Variants in TRIM67 observed in about 807,000 individuals in gnomAD.
TRIM67 encodes the protein tripartite motif-containing protein 67.
In TRIM67, 39 loss-of-function variants were observed where a neutral mutation model predicts 71.0. The observed-to-expected ratio is 0.55, with a 90% CI of 0.43 to 0.72. The LOEUF is 0.72. TRIM67 is among the 30% of genes least tolerant of loss of function. The pLI, the probability that TRIM67 is intolerant of heterozygous loss-of-function variation, is 0.00. For synonymous variants in TRIM67, 481 were observed against 473.9 expected, an observed-to-expected ratio of 1.01 and a Z score of -0.19; for missense variants, 973 against 1,079.2, an observed-to-expected ratio of 0.90 and a Z score of 1.38.
Position 231,201,415 on chromosome 1 carries a change from G to A in TRIM67, c.1432G>A (p.Ala478Thr), listed in dbSNP as rs751830264. The A allele has an allele frequency of 4.3e-6, 7 of 1,613,366 alleles. No homozygotes were observed. In the Admixed American group the frequency reaches 5.0e-5, roughly 12 times the overall value. The change falls in exon 5 of 10, where the codon GCC becomes ACC. Residue 478 changes from alanine (A) to threonine (T), a missense_variant. Physicochemically the swap from Ala to Thr is moderately conservative, Grantham distance 58. Transcript: ENST00000366653. ...QVSQEQWVKGALEPKVSAEFD... is the reference protein window; with the variant it reads ...QVSQEQWVKGTLEPKVSAEFD... ...GTCTCAGGAGCAGTGGGTCAAAGGC[G>A]CCCTGGAGCCGAAAGTGTCTGCGGA...
chr1:231,220,272 G>T lies in TRIM67; in HGVS notation c.*4832G>T. The T allele has an allele frequency of 3.7e-6, 1 of 273,156 alleles. No homozygotes were observed. The highest frequency in any genetic ancestry group is 3.7e-5 in the South Asian group (1 of 26,956). The allele number at this position is 273,156 out of a possible 1,614,324, so 16.9% of individuals were successfully genotyped here. On this transcript the variant is annotated 3_prime_UTR_variant, in exon 10 of 10. Transcript: ENST00000366653. ...GTGGGTAAAATAGACCTTTAAGACAGGTTTCCTATGACCATAGAAAGTAAC... is the reference window on the plus strand; with the variant it reads ...GTGGGTAAAATAGACCTTTAAGACATGTTTCCTATGACCATAGAAAGTAAC...
At chr1:231,178,582 G>A (rs1033639367) in intron 1 of TRIM67, among the ~76,000 whole-genome samples, 2 of 152,234 alleles carry the variant, frequency 1.3e-5, no homozygotes, top group African/African-American at 2.4e-5. Context: ...CTAAGAAGCA[G>A]CGTTTAACCT....
At chr1:231,173,219 T>A (rs1157896352) in intron 1 of TRIM67, among the ~76,000 whole-genome samples, 2 of 152,060 alleles carry the variant, frequency 1.3e-5, no homozygotes, top group Non-Finnish European at 2.9e-5. Context: ...TAGTGATAAA[T>A]ACCAAGATGG....
chr1:231,189,718 T>C (rs924804369), intron 1 of TRIM67, among the ~76,000 whole-genome samples: 8 of 152,020 alleles, frequency 5.3e-5, no homozygotes, highest in African/African-American at 1.9e-4. Flanking sequence ...TTTATAAGGG[T>C]TCTAATCCCC....
intron 8 of TRIM67, among the ~76,000 whole-genome samples, chr1:231,212,259 A>G (rs1256948945): frequency 6.6e-6 from 1 of 152,258 alleles, no homozygotes; most frequent in Admixed American, 6.5e-5. Flanking sequence ...ATCTTTCATT[A>G]TAATTAGATA....
chr1:231,215,438 T>C lies in TRIM67; in HGVS notation c.2350T>C (p.Ter784GlnextTer10). ...GGGGCGGCCAAAGCTGTCAGGCAAT[T>C]AGCCCCGCTCCAGCTCGGCACTGTG... ...NLGRPKLSGN[*>Q] is the part of the protein sequence containing the mutation. Residue 784 changes from the stop codon to glutamine (Q), a stop_lost, in exon 10 of 10, where the codon TAG (stop) becomes CAG (glutamine). Coordinates refer to ENST00000366653, the MANE Select transcript of TRIM67 (RefSeq NM_001004342.5). 1 of 1,608,868 alleles carries C rather than the reference T, an allele frequency of 6.2e-7. No individual in the cohort carries two copies. Among genetic ancestry groups the C allele is most frequent in the Non-Finnish European group, 8.5e-7 (1 of 1,177,198 alleles).
rs199509129 is a variant in TRIM67 at position 231,179,448 on chromosome 1, CA to C, written c.1044+15438del. Among the ~76,000 whole-genome samples the C allele has an allele frequency of 3.8e-3, 583 of 152,316 alleles. 3 individuals are homozygous for C. The highest frequency in any genetic ancestry group is 0.013 in the African/African-American group (553 of 41,564). ...CGGTTAGGGGTTAGGATTTCAACCC[CA>C]AATGTGACTTTTTGTGGGACACATT... On this transcript the variant is annotated intron_variant, in intron 1 of 9. Transcript: ENST00000366653.
intron 1 of TRIM67, among the ~76,000 whole-genome samples, chr1:231,171,964 C>T (rs1343000755): frequency 3.3e-5 from 5 of 152,104 alleles, no homozygotes; most frequent in Non-Finnish European, 7.4e-5. Flanking sequence ...AGGATGGTGA[C>T]ACGTGCCTGT....
In TRIM67 at chr1:231,162,600, T is replaced by G; in HGVS notation, c.-370T>G. 4.2e-6 allele frequency: 1 copy of G among 239,680 alleles called. No homozygotes were observed. The highest frequency in any genetic ancestry group is 8.0e-6 in the Non-Finnish European group (1 of 124,374). The allele number at this position is 239,680 out of a possible 1,614,324, so 14.8% of individuals were successfully genotyped here. On this transcript the variant is annotated 5_prime_UTR_variant, in exon 1 of 10. Transcript: ENST00000366653. ...CGCACAGCAGCCCGGCCGCTGGTCC[T>G]GGGGTGGAGAGGAGGCGCGCGCTGC...
chr1:231,163,634 T>C lies in TRIM67; in HGVS notation c.665T>C (p.Leu222Pro). The change falls in exon 1 of 10, where the codon CTC becomes CCC. Residue 222 changes from leucine to proline, a missense_variant. By Grantham distance (98) the Leu-to-Pro change is moderately conservative. This residue lies in a region of TRIM67 where 795 missense variants were observed against 831.3 expected (regional missense o/e 0.96). Transcript: ENST00000366653. ...DRTPPEPAAT[L>P]CEQCDVLYCS... ...ACCCCGCCAGAGCCAGCAGCCACGC[T>C]CTGCGAGCAGTGCGACGTCCTCTAC... The C allele has an allele frequency of 6.6e-7, 1 of 1,523,016 alleles. No individual in the cohort carries two copies. The highest frequency in any genetic ancestry group is 1.4e-5 in the African/African-American group (1 of 69,776). The allele number at this position is 1,523,016 out of a possible 1,614,324, so 94.3% of individuals were successfully genotyped here.
At chr1:231,204,768 C>T (rs1310620268) in intron 6 of TRIM67, among the ~76,000 whole-genome samples, 2 of 152,234 alleles carry the variant, frequency 1.3e-5, no homozygotes, top group Non-Finnish European at 2.9e-5. Flanking sequence ...ACAACACTCG[C>T]ATCTCTTCTC....
intron 8 of TRIM67, 77 bp from the exon 9 acceptor site, chr1:231,213,738 G>A (rs1461536984): frequency 1.4e-6 from 2 of 1,477,942 alleles, no homozygotes; most frequent in Admixed American, 4.6e-5. Flanking sequence ...CTCTAAATAA[G>A]TAAATAATTC....
At position 231,218,804 on chromosome 1, in the gene TRIM67, G is replaced by A; in HGVS notation, c.*3364G>A. 1.0e-6 allele frequency: 1 copy of A among 985,438 alleles called. No homozygotes were observed. Among genetic ancestry groups the A allele is most frequent in the African/African-American group, 1.7e-5 (1 of 57,358 alleles). 61.0% of individuals were successfully genotyped at this position (985,438 alleles called of 1,614,324 possible). ...GTGGTGCTTTCCGGATTGAGCCTGGGCAGGCTCTGTGGAGCTCACCAAGAG... is the reference window on the plus strand; with the variant it reads ...GTGGTGCTTTCCGGATTGAGCCTGGACAGGCTCTGTGGAGCTCACCAAGAG... On this transcript the variant is annotated 3_prime_UTR_variant, in exon 10 of 10. Transcript: ENST00000366653.
chr1:231,203,751 G>A (rs1683615890), intron 5 of TRIM67, 116 bp from the exon 6 acceptor site: 1 of 1,359,616 alleles, frequency 7.4e-7, no homozygotes, highest in African/African-American at 1.4e-5. Context: ...GCCAGGGAGG[G>A]AATTTAGCCT....
intron 7 of TRIM67, among the ~76,000 whole-genome samples, chr1:231,208,333 C>T (rs1683770385): frequency 1.3e-5 from 2 of 152,042 alleles, no homozygotes; most frequent in African/African-American, 4.8e-5. Context: ...GCCACCACGC[C>T]CGGCTAATTT....
At chr1:231,185,286 C>T (rs1387228672) in intron 1 of TRIM67, 1 of 1,404,288 alleles carries the variant, frequency 7.1e-7, no homozygotes, top group African/African-American at 1.4e-5. Flanking sequence ...TCCCTCCCAC[C>T]CTCCTACACT....
intron 6 of TRIM67, among the ~76,000 whole-genome samples, chr1:231,204,897 A>G (rs1683654152): frequency 1.3e-5 from 2 of 152,200 alleles, no homozygotes; most frequent in Admixed American, 1.3e-4. Flanking sequence ...GGAATGTAAG[A>G]ATTATGGAAA....
In TRIM67 at chr1:231,215,733, C is replaced by T. The variant is rs1024825833; in HGVS notation, c.*293C>T. 8 of 1,194,980 alleles carry T rather than the reference C, an allele frequency of 6.7e-6. No individual in the cohort carries two copies. The highest frequency in any genetic ancestry group is 4.7e-5 in the African/African-American group (3 of 63,818). The allele number at this position is 1,194,980 out of a possible 1,614,324, so 74.0% of individuals were successfully genotyped here. On this transcript the variant is annotated 3_prime_UTR_variant, in exon 10 of 10. Transcript: ENST00000366653. ...GACCTTTCTCAAGGGAGTCAGCATT[C>T]GGGCTTCATGTCTATGTTTCCTGCC...
chr1:231,197,319 T>C, intron 1 of TRIM67, 52 bp from the exon 2 acceptor site: 5 of 1,532,356 alleles, frequency 3.3e-6, no homozygotes, highest in Non-Finnish European at 4.5e-6. Flanking sequence ...GTGCAAATTT[T>C]CTGTGCCTTT....
Sources: allele counts gnomAD v4.1 joint callset (sites outside exome capture counted in the v4.1 genomes callset), GRCh38; gene constraint gnomAD v4.1.1; regional missense constraint gnomAD v4.1.1; transcripts MANE v1.5; gene names NCBI Gene and HGNC (gene_info 2026-07-23, HGNC 2026-07-21).